LRRC72: variants seen among roughly 807,000 people sequenced by gnomAD.
LRRC72 encodes leucine-rich repeat-containing protein 72.
Under a neutral mutation model 35.8 loss-of-function variants are expected in LRRC72, and 41 were observed. The ratio of observed to expected loss-of-function variants is 1.15; its 90% CI spans 0.89 to 1.49. The LOEUF is 1.49. LRRC72 is among the 40% of genes most tolerant of loss of function. The probability of loss-of-function intolerance (pLI) is 0.00; values close to 1 mark genes in which losing one functional copy is unlikely to be tolerated. For missense variants in LRRC72, 389 were observed against 330.7 expected (o/e 1.18, Z -1.37); for synonymous variants, 118 against 119.2 (o/e 0.99, Z 0.07).
intron 7 of LRRC72, among the ~76,000 whole-genome samples, chr7:16,567,848 T>C (rs10215428): frequency 0.013 from 1,966 of 152,182 alleles, 49 homozygotes; most frequent in African/African-American, 0.045. Flanking sequence ...AAATAAGCCA[T>C]TGTTATTTTT....
intron 7 of LRRC72, among the ~76,000 whole-genome samples, chr7:16,578,068 G>A (rs1783074438): frequency 6.6e-6 from 1 of 152,130 alleles, no homozygotes. Context: ...AAATATATAG[G>A]TATAAGGCTG....
intron 7 of LRRC72, among the ~76,000 whole-genome samples, chr7:16,572,534 C>G (rs1192501269): frequency 1.3e-5 from 2 of 152,202 alleles, no homozygotes; most frequent in Non-Finnish European, 2.9e-5. Flanking sequence ...ATCGCATAAA[C>G]AGAACCAATG....
At chr7:16,573,063 G>A (rs575847111) in intron 7 of LRRC72, among the ~76,000 whole-genome samples, 5 of 152,194 alleles carry the variant, frequency 3.3e-5, no homozygotes, top group African/African-American at 9.6e-5. Flanking sequence ...TTGCTACAAA[G>A]AGAATAAAAT....
At chr7:16,535,779 T>A (rs1405173022) in intron 2 of LRRC72, among the ~76,000 whole-genome samples, 5 of 152,214 alleles carry the variant, frequency 3.3e-5, no homozygotes. Context: ...TTCCTTGCAT[T>A]TGATCAATAG....
Position 16,567,494 on chromosome 7 carries a change from G to A in LRRC72, c.621G>A (p.Trp207Ter), listed in dbSNP as rs1441920268. Residue 207 changes from tryptophan to a stop codon, truncating the protein, a stop_gained, in exon 7 of 9, where the codon TGG becomes TGA. Transcript: ENST00000401542. LOFTEE classifies it high-confidence loss of function. ...IAFGGKVDAS[W>*]DPKSPFKQKP... ...TCGGAGGAAAAGTGGATGCTTCATG[G>A]GATCCTAAATCACCATTTAAGCAAA... The A allele has an allele frequency of 1.3e-6, 2 of 1,519,924 alleles. No homozygotes were observed. Among genetic ancestry groups the A allele is most frequent in the East Asian group, 5.0e-5 (2 of 40,332 alleles). 94.2% of individuals were successfully genotyped at this position (1,519,924 alleles called of 1,614,324 possible). A position where few individuals can be genotyped will look rare whatever the true frequency, so the allele number is the denominator to read the frequency against.
At chr7:16,559,491 T>C (rs1402607026) in intron 5 of LRRC72, among the ~76,000 whole-genome samples, 2 of 152,228 alleles carry the variant, frequency 1.3e-5, no homozygotes, top group African/African-American at 4.8e-5. Flanking sequence ...AAATTTTTGT[T>C]TGTGAAATGC....
chr7:16,533,720 T>C (rs1168273536), intron 2 of LRRC72, among the ~76,000 whole-genome samples: 2 of 152,096 alleles, frequency 1.3e-5, no homozygotes, highest in Non-Finnish European at 2.9e-5. Flanking sequence ...TTGTAATGGC[T>C]CTGAATCTCT....
intron 5 of LRRC72, among the ~76,000 whole-genome samples, chr7:16,565,364 C>T (rs941233108): frequency 2.0e-5 from 3 of 150,122 alleles, no homozygotes; most frequent in African/African-American, 7.4e-5. Flanking sequence ...ACCCGGGAGG[C>T]AGAGGTTGCA....
intron 5 of LRRC72, among the ~76,000 whole-genome samples, chr7:16,565,194 G>A (rs768957051): frequency 2.0e-5 from 3 of 152,150 alleles, no homozygotes; most frequent in African/African-American, 4.8e-5. Context: ...CTGTATTTTG[G>A]GAGGCCAAGG....
rs141780018 is a variant in LRRC72, at chr7:16,573,557, G to T, written c.670+6014G>T. 2.8e-4 allele frequency among the ~76,000 whole-genome samples: 42 copies of T among 152,292 alleles called. No homozygotes were observed. In the East Asian group the frequency reaches 5.4e-3, roughly 20 times the overall value. On this transcript the variant is annotated intron_variant, in intron 7 of 8. Coordinates refer to ENST00000401542, the MANE Select transcript of LRRC72 (RefSeq NM_001195280.2). ...TGACAAACACAAGCAATGGGGAAAG[G>T]ATTCCCTATTTAATAAGTGGTGTTG...
In LRRC72 at chr7:16,567,492, T is replaced by C. The variant is rs1782866729; in HGVS notation, c.619T>C (p.Trp207Arg). The C allele has an allele frequency of 6.6e-7, 1 of 1,523,054 alleles. No individual in the cohort carries two copies. The allele number at this position is 1,523,054 out of a possible 1,614,324, so 94.3% of individuals were successfully genotyped here. A position where few individuals can be genotyped will look rare whatever the true frequency, so the allele number is the denominator to read the frequency against. The change falls in exon 7 of 9, where the codon TGG becomes CGG. Residue 207 changes from tryptophan to arginine, a missense_variant. Physicochemically the swap from Trp to Arg is moderately radical, Grantham distance 101. Coordinates refer to ENST00000401542, the MANE Select transcript of LRRC72 (RefSeq NM_001195280.2). Reference protein sequence around the residue: ...IAFGGKVDASWDPKSPFKQKP... With the variant: ...IAFGGKVDASRDPKSPFKQKP... ...ATTCGGAGGAAAAGTGGATGCTTCA[T>C]GGGATCCTAAATCACCATTTAAGCA...
At chr7:16,554,192 C>A (rs760000732) in intron 3 of LRRC72, among the ~76,000 whole-genome samples, 34 of 152,110 alleles carry the variant, frequency 2.2e-4, no homozygotes, top group Admixed American at 1.2e-3. Context: ...TAGCTGGGTG[C>A]GGTGGCACAC....
chr7:16,557,975 A>G (rs1411253097), intron 4 of LRRC72, among the ~76,000 whole-genome samples: 1 of 149,772 alleles, frequency 6.7e-6, no homozygotes, highest in Non-Finnish European at 1.5e-5. Flanking sequence ...TTAAATTTTA[A>G]GGCCCATCAT....
intron 2 of LRRC72, among the ~76,000 whole-genome samples, chr7:16,533,243 T>C (rs1179723071): frequency 1.3e-5 from 2 of 152,124 alleles, no homozygotes; most frequent in Non-Finnish European, 2.9e-5. Context: ...TACTGGTAAG[T>C]AGAAAAATCC....
chr7:16,553,686 C>G (rs1782595381), intron 3 of LRRC72, among the ~76,000 whole-genome samples: 2 of 152,172 alleles, frequency 1.3e-5, no homozygotes, highest in African/African-American at 2.4e-5. Flanking sequence ...GTACAACCCC[C>G]AGGGTAGCCC....
At chr7:16,555,844 A>G (rs1782640830) in intron 3 of LRRC72, among the ~76,000 whole-genome samples, 1 of 152,184 alleles carries the variant, frequency 6.6e-6, no homozygotes, top group African/African-American at 2.4e-5. Flanking sequence ...TACAGTCAGG[A>G]ACATATATTC....
At chr7:16,557,273 A>G (rs1055020486) in intron 3 of LRRC72, 87 bp from the exon 4 acceptor site, 4 of 321,788 alleles carry the variant, frequency 1.2e-5, no homozygotes, top group African/African-American at 8.7e-5. Context: ...TTAAATATAT[A>G]TTATTTATGT....
chr7:16,538,339 T>C (rs1326039492), intron 3 of LRRC72, among the ~76,000 whole-genome samples: 3 of 152,200 alleles, frequency 2.0e-5, no homozygotes, highest in African/African-American at 4.8e-5. Flanking sequence ...TACCCTATAG[T>C]ACTAACAGAT....
In LRRC72 at chr7:16,531,181, A is replaced by T. The variant is rs557296883; in HGVS notation, c.91-1314A>T. The stretch of plus-strand genomic sequence containing the variant: ...CTGGGCAACAGAGCAAAACTCTCTC[A>T]AAAAAAAAAAAAAGAAAAACAAAAA... On this transcript the variant is annotated intron_variant, in intron 1 of 8. Coordinates refer to ENST00000401542, the MANE Select transcript of LRRC72 (RefSeq NM_001195280.2). Among the ~76,000 whole-genome samples, 1,365 of 136,830 alleles carry T rather than the reference A, an allele frequency of 1.0e-2. 18 individuals carry two copies. The highest frequency in any genetic ancestry group is 0.047 in the Middle Eastern group (13 of 276). The allele number at this position is 136,830 out of a possible 152,430, so 89.8% of individuals were successfully genotyped here.
Sources: gnomAD v4.1 joint callset for allele counts (sites outside exome capture counted in the v4.1 genomes callset) on GRCh38, gnomAD v4.1.1 for gene constraint, MANE v1.5 for transcripts, NCBI Gene and HGNC (gene_info 2026-07-23, HGNC 2026-07-21) for gene names.